Variants in PRKDC observed in about 807,000 individuals in gnomAD.
PRKDC encodes DNA-dependent protein kinase catalytic subunit.
Under a neutral mutation model 486.9 loss-of-function variants are expected in PRKDC, and 82 were observed. The observed-to-expected ratio is 0.17, with a 90% confidence interval of 0.14 to 0.20. The LOEUF (loss-of-function observed/expected upper bound fraction) is 0.20, where lower values mean the gene tolerates loss of function less well. Ranked by LOEUF, PRKDC falls within the 10% of genes least tolerant of loss-of-function variation. The probability of loss-of-function intolerance (pLI) is 1.00; values close to 1 mark genes in which losing one functional copy is unlikely to be tolerated. For synonymous variants in PRKDC, 1,895 were observed against 1,837.0 expected (o/e 1.03, Z -0.81); for missense variants, 4,504 against 5,038.2 (o/e 0.89, Z 3.21).
intron 7 of PRKDC, among the ~76,000 whole-genome samples, chr8:47,951,386 G>A (rs1371810166): frequency 6.6e-6 from 1 of 151,134 alleles, no homozygotes; most frequent in Admixed American, 6.6e-5. Flanking sequence ...AAGAAAAAGG[G>A]AGACAGAAAA....
At chr8:47,844,359 T>C (rs575191003) in intron 54 of PRKDC, among the ~76,000 whole-genome samples, 1 of 152,340 alleles carries the variant, frequency 6.6e-6, no homozygotes, top group South Asian at 2.1e-4. Flanking sequence ...ATACTACATA[T>C]ATAAGTACCT....
intron 40 of PRKDC, among the ~76,000 whole-genome samples, chr8:47,870,347 G>C (rs1041397565): frequency 6.6e-6 from 1 of 152,208 alleles, no homozygotes; most frequent in Non-Finnish European, 1.5e-5. Flanking sequence ...CACAGACAGA[G>C]AGACTCCATT....
At chr8:47,921,035 C>T (rs1412797720) in intron 21 of PRKDC, among the ~76,000 whole-genome samples, 4 of 152,210 alleles carry the variant, frequency 2.6e-5, no homozygotes, top group South Asian at 2.1e-4. Context: ...GGGCGGATCA[C>T]GAGGTCAGGA....
intron 38 of PRKDC, 120 bp from the exon 39 acceptor site, chr8:47,879,778 C>A: frequency 2.9e-6 from 2 of 695,818 alleles, no homozygotes; most frequent in Non-Finnish European, 4.1e-6. Flanking sequence ...TGAATGGCTT[C>A]ACCATAATTT....
chr8:47,799,818 T>G (rs1359342439), intron 71 of PRKDC, among the ~76,000 whole-genome samples: 2 of 152,026 alleles, frequency 1.3e-5, no homozygotes, highest in Non-Finnish European at 2.9e-5. Flanking sequence ...AGGTAACTAT[T>G]GAAAAAAACA....
chr8:47,795,344 C>G (rs2086962238), intron 73 of PRKDC, among the ~76,000 whole-genome samples: 1 of 151,022 alleles, frequency 6.6e-6, no homozygotes, highest in Admixed American at 6.6e-5. Flanking sequence ...CGCCTGCCAC[C>G]ACGCCTGGCT....
intron 80 of PRKDC, among the ~76,000 whole-genome samples, chr8:47,779,652 C>T (rs974422194): frequency 7.2e-5 from 11 of 152,138 alleles, no homozygotes; most frequent in Non-Finnish European, 1.0e-4. Context: ...TGCAGTGGTG[C>T]GATCTTGGCC....
Position 47,862,389 on chromosome 8 carries a change from C to A in PRKDC, c.5903G>T (p.Ser1968Ile). ...GTGGCCTACCTTTTCTGGTTTTTCACTAAACAGAAAACCTTGGTAAAATTT... is the reference window on the plus strand; with the variant it reads ...GTGGCCTACCTTTTCTGGTTTTTCAATAAACAGAAAACCTTGGTAAAATTT... ...ELKFYQGFLF[S>I]EKPEKNLLIF... The change falls in exon 43 of 86, where the codon AGT (serine) becomes ATT (isoleucine). Residue 1968 changes from serine to isoleucine, a missense_variant. By Grantham distance (142) the Ser-to-Ile change is moderately radical (BLOSUM62 -2). Around this residue, in one of 6 missense-constraint regions of PRKDC, gnomAD observed 1,592 missense variants for 1,724.6 expected, o/e 0.92. Transcript: ENST00000314191. The A allele has an allele frequency of 6.2e-7, 1 of 1,613,918 alleles. No individual in the cohort carries two copies. Among genetic ancestry groups the A allele is most frequent in the East Asian group, 2.2e-5 (1 of 44,884 alleles).
intron 41 of PRKDC, among the ~76,000 whole-genome samples, chr8:47,864,260 AG>A (rs1282590434): frequency 2.0e-5 from 3 of 152,184 alleles, no homozygotes; most frequent in Admixed American, 2.0e-4. Flanking sequence ...TAGGACCGCC[AG>A]GAACAGCTCT....
In PRKDC at chr8:47,957,375, TC is replaced by T; in HGVS notation, c.210del (p.Lys71SerfsTer16). 6.3e-7 allele frequency: 1 copy of T among 1,598,224 alleles called. No individual in the cohort carries two copies. Among genetic ancestry groups the T allele is most frequent in the Non-Finnish European group, 8.5e-7 (1 of 1,171,704 alleles). ...SRDFGLLVFV[R>X]KSLNSIEFRE... ...CTTACTTCAATACTGTTGAGTGACT[TC>T]CGGACAAATACAAGCAAACCGAAAT... On this transcript the variant is annotated frameshift_variant, in exon 2 of 86. Transcript: ENST00000314191. LOFTEE classifies it high-confidence loss of function.
chr8:47,860,784 A>G (rs1310436798), intron 45 of PRKDC, 115 bp downstream of exon 45: 1 of 734,948 alleles, frequency 1.4e-6, no homozygotes, highest in Non-Finnish European at 2.2e-6. Flanking sequence ...TAGGGTACTT[A>G]AAGTATTTTC....
At chr8:47,796,371 A>G (rs2086985680) in intron 73 of PRKDC, among the ~76,000 whole-genome samples, 1 of 152,184 alleles carries the variant, frequency 6.6e-6, no homozygotes, top group East Asian at 1.9e-4. Context: ...AAATAAAAAT[A>G]AAATCACTGT....
chr8:47,839,363 T>C (rs1355453484), intron 55 of PRKDC, 117 bp from the exon 56 acceptor site: 2 of 733,296 alleles, frequency 2.7e-6, no homozygotes, highest in African/African-American at 3.5e-5. Context: ...CCATTAGACT[T>C]TAGATCTCCA....
chr8:47,890,806 A>C (rs1221445426), intron 31 of PRKDC, among the ~76,000 whole-genome samples: 1 of 152,242 alleles, frequency 6.6e-6, no homozygotes, highest in African/African-American at 2.4e-5. Flanking sequence ...AATGTTTAAA[A>C]ACTCATTATG....
At chr8:47,841,259 A>G (rs1282028239) in intron 54 of PRKDC, among the ~76,000 whole-genome samples, 2 of 152,162 alleles carry the variant, frequency 1.3e-5, no homozygotes, top group Non-Finnish European at 1.5e-5. Context: ...CTCAGTGTGG[A>G]GCAGCTCCAG....
At chr8:47,821,549 T>A (rs2087595711) in intron 65 of PRKDC, 55 bp downstream of exon 65, 1 of 1,507,452 alleles carries the variant, frequency 6.6e-7, no homozygotes, top group South Asian at 1.2e-5. Flanking sequence ...TTTTGTTAAG[T>A]AGAAAACACC....
intron 27 of PRKDC, among the ~76,000 whole-genome samples, chr8:47,901,752 T>A (rs2089687642): frequency 1.3e-5 from 2 of 152,212 alleles, no homozygotes; most frequent in African/African-American, 4.8e-5. Context: ...GCACATCATT[T>A]TTTTTTTCTT....
In PRKDC at chr8:47,917,399, C is replaced by T. The variant is rs1051684819; in HGVS notation, c.2526+878G>A. Among the ~76,000 whole-genome samples the T allele has an allele frequency of 1.8e-4, 28 of 152,124 alleles. 2 individuals are homozygous for T. The highest frequency in any genetic ancestry group is 7.4e-5 in the Non-Finnish European group (5 of 68,018). ...ATTCTAGTCTCTCAATCAAAAGATG[C>T]CCAAAATAATGAGGTGAGAAGAACT... On this transcript the variant is annotated intron_variant, in intron 22 of 85. Coordinates refer to ENST00000314191, the MANE Select transcript of PRKDC (RefSeq NM_006904.7).
intron 52 of PRKDC, among the ~76,000 whole-genome samples, chr8:47,850,840 C>T (rs1330028180): frequency 3.9e-5 from 6 of 152,174 alleles, no homozygotes; most frequent in African/African-American, 1.2e-4. Flanking sequence ...GATGGAGTCT[C>T]ACTCTGTCGC....
Sources: gnomAD v4.1 joint callset for allele counts (sites outside exome capture counted in the v4.1 genomes callset) on GRCh38, gnomAD v4.1.1 for gene constraint, gnomAD v4.1.1 regional missense constraint, MANE v1.5 for transcripts, NCBI Gene and HGNC (gene_info 2026-07-23, HGNC 2026-07-21) for gene names.